Variants in KIAA1328 observed in about 807,000 individuals in gnomAD.
The protein encoded by KIAA1328 is protein hinderin.
In KIAA1328, 52 loss-of-function variants were observed where a neutral mutation model predicts 68.1. The ratio of observed to expected loss-of-function variants is 0.76; its 90% CI spans 0.61 to 0.96. The LOEUF (loss-of-function observed/expected upper bound fraction) is 0.96. Ranked by LOEUF, KIAA1328 falls within the 40% of genes least tolerant of loss-of-function variation. The pLI, the probability that KIAA1328 is intolerant of heterozygous loss-of-function variation, is 0.00. For synonymous variants in KIAA1328, 232 were observed against 239.4 expected (o/e 0.97, Z 0.28); for missense variants, 641 against 677.6 (o/e 0.95, Z 0.60).
intron 9 of KIAA1328, chr18:37,193,446 T>C: frequency 1.6e-6 from 1 of 608,966 alleles, no homozygotes; most frequent in South Asian, 2.0e-5. Context: ...TAAATTAGAG[T>C]TAGGTCAAAT....
At chr18:37,045,316 T>G (rs1288266218) in intron 6 of KIAA1328, among the ~76,000 whole-genome samples, 1 of 152,188 alleles carries the variant, frequency 6.6e-6, no homozygotes, top group African/African-American at 2.4e-5. Context: ...TTGAAACCAC[T>G]AATCCAGGTA....
intron 8 of KIAA1328, among the ~76,000 whole-genome samples, chr18:37,169,519 T>TTG (rs377291936): frequency 0.014 from 2,155 of 149,916 alleles, 20 homozygotes; most frequent in Middle Eastern, 0.038. Flanking sequence ...GTGTCTGTGT[T>TTG]TGTGTGTGTG....
chr18:37,200,727 C>T (rs2060094115), intron 9 of KIAA1328, among the ~76,000 whole-genome samples: 1 of 150,384 alleles, frequency 6.6e-6, no homozygotes, highest in Non-Finnish European at 1.5e-5. Context: ...AGGAGAATGG[C>T]GTGAACCCGG....
At chr18:37,069,546 G>A (rs1228010921) in intron 7 of KIAA1328, among the ~76,000 whole-genome samples, 1 of 152,134 alleles carries the variant, frequency 6.6e-6, no homozygotes, top group Non-Finnish European at 1.5e-5. Flanking sequence ...GTTGGGAGAT[G>A]TTCGCTCTGC....
At position 37,224,994 on chromosome 18, in the gene KIAA1328, G is replaced by T. The variant is rs866963327; in HGVS notation, c.*2767G>T. ...AGTCCGCTTTCCAGGAGGCAAACTT[G>T]TGTTTATCCAAACCTGATCCCCATG... is the stretch of plus-strand genomic sequence containing the variant. On this transcript the variant is annotated 3_prime_UTR_variant, in exon 10 of 10. Transcript: ENST00000280020. The T allele has an allele frequency of 1.0e-6, 1 of 985,456 alleles. No individual in the cohort carries two copies. Among genetic ancestry groups the T allele is most frequent in the Non-Finnish European group, 1.2e-6 (1 of 829,956 alleles). 61.0% of individuals were successfully genotyped at this position (985,456 alleles called of 1,614,324 possible).
At chr18:36,998,685 A>G (rs1598931781) in intron 6 of KIAA1328, among the ~76,000 whole-genome samples, 1 of 152,144 alleles carries the variant, frequency 6.6e-6, no homozygotes, top group Admixed American at 6.5e-5. Context: ...TTTACAGCCA[A>G]AGAAATCATA....
At chr18:37,035,427 G>C (rs997605606) in intron 6 of KIAA1328, among the ~76,000 whole-genome samples, 5 of 152,166 alleles carry the variant, frequency 3.3e-5, no homozygotes, top group Admixed American at 6.5e-5. Flanking sequence ...ACAAAAGTTT[G>C]AGAACCTCTG....
chr18:36,992,917 A>G (rs1468030683), intron 6 of KIAA1328, among the ~76,000 whole-genome samples: 1 of 152,192 alleles, frequency 6.6e-6, no homozygotes, highest in East Asian at 1.9e-4. Context: ...TAGCCTGGGC[A>G]GCATGGTGAA....
At chr18:36,864,413 T>G (rs2150902297) in intron 4 of KIAA1328, among the ~76,000 whole-genome samples, 1 of 151,894 alleles carries the variant, frequency 6.6e-6, no homozygotes, top group Middle Eastern at 3.4e-3. Context: ...GCCATTCTCC[T>G]GCCTCAGCCT....
chr18:37,076,684 C>A (rs2056749574), intron 7 of KIAA1328, among the ~76,000 whole-genome samples: 1 of 151,656 alleles, frequency 6.6e-6, no homozygotes, highest in African/African-American at 2.4e-5. Flanking sequence ...TACAAACTAC[C>A]CTCAGAGACT....
At chr18:37,051,147 A>C (rs2055676425) in intron 6 of KIAA1328, among the ~76,000 whole-genome samples, 1 of 152,182 alleles carries the variant, frequency 6.6e-6, no homozygotes, top group Non-Finnish European at 1.5e-5. Context: ...AAAAAATTTC[A>C]ACTTTCACGA....
chr18:37,161,339 C>A (rs996362320), intron 8 of KIAA1328, among the ~76,000 whole-genome samples: 3 of 152,164 alleles, frequency 2.0e-5, no homozygotes, highest in Non-Finnish European at 4.4e-5. Flanking sequence ...GCTACTAGCT[C>A]TGTCATGCTT....
rs754043765 is a variant in KIAA1328, at chr18:37,067,066, C to G, written c.753C>G (p.Thr251=). The change falls in exon 7 of 10, where the codon ACC becomes ACG. Residue 251 remains threonine (T), a synonymous_variant. Coordinates refer to ENST00000280020, the MANE Select transcript of KIAA1328 (RefSeq NM_020776.3). ...GGAATAATTCTTTGAAACCAGTAACCCTTCATCATCCCAAAGATGATCTAG... is the reference window on the plus strand; with the variant it reads ...GGAATAATTCTTTGAAACCAGTAACGCTTCATCATCCCAAAGATGATCTAG... ...AFRNNSLKPV[T]LHHPKDDLDK... 3.7e-6 allele frequency: 6 copies of G among 1,613,936 alleles called. No homozygotes were observed. The highest frequency in any genetic ancestry group is 2.2e-5 in the South Asian group (2 of 91,074).
At chr18:36,844,601 G>T (rs1378727763) in intron 4 of KIAA1328, among the ~76,000 whole-genome samples, 1 of 151,926 alleles carries the variant, frequency 6.6e-6, no homozygotes, top group African/African-American at 2.4e-5. Context: ...GTTGAAGTAG[G>T]TTGATATTGT....
chr18:36,958,369 T>G (rs1370762819), intron 5 of KIAA1328, among the ~76,000 whole-genome samples: 1 of 152,142 alleles, frequency 6.6e-6, no homozygotes, highest in Non-Finnish European at 1.5e-5. Flanking sequence ...TACCTAGGAG[T>G]AGAATTGCTG....
At chr18:36,936,249 C>T (rs924842265) in intron 5 of KIAA1328, among the ~76,000 whole-genome samples, 7 of 151,952 alleles carry the variant, frequency 4.6e-5, no homozygotes, top group South Asian at 2.1e-4. Flanking sequence ...CTGCACCTAT[C>T]GACCCATCCT....
chr18:37,001,877 G>T (rs755547159), intron 6 of KIAA1328, among the ~76,000 whole-genome samples: 12 of 152,104 alleles, frequency 7.9e-5, no homozygotes, highest in Non-Finnish European at 1.6e-4. Flanking sequence ...GATCATGTAT[G>T]ACAAACCCTA....
intron 5 of KIAA1328, among the ~76,000 whole-genome samples, chr18:36,892,567 C>T (rs377645752): frequency 3.9e-5 from 6 of 151,992 alleles, no homozygotes; most frequent in African/African-American, 1.2e-4. Flanking sequence ...AGGGCCACTT[C>T]GTTCCATTTA....
At chr18:37,098,720 G>A (rs993356093) in intron 7 of KIAA1328, among the ~76,000 whole-genome samples, 1 of 151,958 alleles carries the variant, frequency 6.6e-6, no homozygotes, top group Non-Finnish European at 1.5e-5. Flanking sequence ...TTTTTTGGTT[G>A]GTAAGCTATT....
Sources: gnomAD v4.1 joint callset for allele counts (sites outside exome capture counted in the v4.1 genomes callset) on GRCh38, gnomAD v4.1.1 for gene constraint, MANE v1.5 for transcripts, NCBI Gene and HGNC (gene_info 2026-07-23, HGNC 2026-07-21) for gene names.